Variants in COG5 observed in about 807,000 individuals in gnomAD.
COG5 encodes the protein conserved oligomeric Golgi complex subunit 5.
COG5 carries 86 observed loss-of-function variants against 110.4 expected under a neutral mutation model. The ratio of observed to expected loss-of-function variants is 0.78; its 90% CI spans 0.65 to 0.93. The LOEUF (loss-of-function observed/expected upper bound fraction) is 0.93. COG5 is among the 40% of genes least tolerant of loss of function. COG5 has a pLI of 0.00. For missense variants in COG5, 1,077 were observed against 987.0 expected (o/e 1.09, Z -1.22); for synonymous variants, 360 against 334.6 (o/e 1.08, Z -0.83).
chr7:107,368,395 A>T (rs1813818232), intron 8 of COG5, among the ~76,000 whole-genome samples: 1 of 152,108 alleles, frequency 6.6e-6, no homozygotes, highest in Non-Finnish European at 1.5e-5. Flanking sequence ...AAAAAGAAAA[A>T]CACAGGAAGT....
chr7:107,554,406 G>T, intron 2 of COG5, 64 bp from the exon 3 acceptor site: 1 of 1,360,708 alleles, frequency 7.3e-7, no homozygotes, highest in Non-Finnish European at 1.0e-6. Context: ...TAACCACAAT[G>T]TAGAATGGAC....
At chr7:107,279,985 T>C (rs1805037462) in intron 14 of COG5, among the ~76,000 whole-genome samples, 1 of 152,118 alleles carries the variant, frequency 6.6e-6, no homozygotes, top group African/African-American at 2.4e-5. Flanking sequence ...CTACTCTCAA[T>C]GCAAGGTATT....
At chr7:107,377,564 T>C (rs1204917931) in intron 7 of COG5, among the ~76,000 whole-genome samples, 1 of 152,210 alleles carries the variant, frequency 6.6e-6, no homozygotes, top group Non-Finnish European at 1.5e-5. Flanking sequence ...TACTAGCTTT[T>C]TGTTATTCTT....
chr7:107,496,425 A>G, intron 6 of COG5, among the ~76,000 whole-genome samples: 1 of 152,078 alleles, frequency 6.6e-6, no homozygotes, highest in Non-Finnish European at 1.5e-5. Flanking sequence ...TTGGGAGGCT[A>G]AGGCAGGTAG....
chr7:107,310,806 A>G (rs963865033), intron 11 of COG5, among the ~76,000 whole-genome samples: 1 of 152,234 alleles, frequency 6.6e-6, no homozygotes, highest in Non-Finnish European at 1.5e-5. Flanking sequence ...AGACAGCTGG[A>G]TAACAAAGGC....
chr7:107,289,332 G>A (rs1348007447), intron 12 of COG5, among the ~76,000 whole-genome samples: 1 of 152,004 alleles, frequency 6.6e-6, no homozygotes, highest in Non-Finnish European at 1.5e-5. Context: ...TAGATTTACA[G>A]GTTTCCTTCT....
At chr7:107,448,112 T>C (rs1301787039) in intron 6 of COG5, among the ~76,000 whole-genome samples, 1 of 152,100 alleles carries the variant, frequency 6.6e-6, no homozygotes, top group African/African-American at 2.4e-5. Context: ...GCCAAGATCA[T>C]GCCACTGTAC....
chr7:107,453,538 C>G (rs1795478816), intron 6 of COG5, among the ~76,000 whole-genome samples: 1 of 152,140 alleles, frequency 6.6e-6, no homozygotes, highest in South Asian at 2.1e-4. Flanking sequence ...CGAGGAAGAA[C>G]AGTCAAAATC....
At chr7:107,216,731 G>A (rs929812284) in intron 19 of COG5, among the ~76,000 whole-genome samples, 7 of 152,034 alleles carry the variant, frequency 4.6e-5, no homozygotes, top group African/African-American at 1.4e-4. Context: ...ATACCAAAAC[G>A]TATGGGATAC....
In COG5 at chr7:107,356,679, T is replaced by C. The variant is rs367728012; in HGVS notation, c.1026+5354A>G. The stretch of plus-strand genomic sequence containing the variant: ...ATTCCAGTGTAGAAAAGATACTTGC[T>C]AGTAATGATTGCCCTAGGGAAAAAA... On this transcript the variant is annotated intron_variant, in intron 10 of 21. Transcript: ENST00000297135. Among the ~76,000 whole-genome samples the C allele has an allele frequency of 5.9e-5, 9 of 152,318 alleles. No homozygotes were observed. In the East Asian group the frequency reaches 1.7e-3, roughly 29 times the overall value.
chr7:107,539,854 G>T (rs1801848660), intron 5 of COG5, among the ~76,000 whole-genome samples: 1 of 152,104 alleles, frequency 6.6e-6, no homozygotes, highest in South Asian at 2.1e-4. Context: ...CAACAGGAAT[G>T]AATAATTGGA....
intron 16 of COG5, among the ~76,000 whole-genome samples, chr7:107,250,970 G>A (rs1802457397): frequency 2.0e-5 from 3 of 151,876 alleles, no homozygotes; most frequent in African/African-American, 4.8e-5. Flanking sequence ...AAAACTACTC[G>A]GCAGGGAAAA....
chr7:107,425,736 C>T (rs912240819), intron 6 of COG5, among the ~76,000 whole-genome samples: 5 of 152,094 alleles, frequency 3.3e-5, no homozygotes, highest in African/African-American at 1.2e-4. Context: ...GGTGATAATA[C>T]AATAAGTCAT....
At chr7:107,420,837 G>A (rs1311813194) in intron 6 of COG5, among the ~76,000 whole-genome samples, 2 of 152,196 alleles carry the variant, frequency 1.3e-5, no homozygotes, top group African/African-American at 4.8e-5. Context: ...TCAGGCTTAA[G>A]TAAACTCCTT....
intron 6 of COG5, among the ~76,000 whole-genome samples, chr7:107,496,981 A>G (rs1195162603): frequency 1.3e-5 from 2 of 152,094 alleles, no homozygotes; most frequent in African/African-American, 4.8e-5. Flanking sequence ...AAGCAAACAT[A>G]GGAGAATCAC....
At position 107,211,153 on chromosome 7, in the gene COG5, G is replaced by A. The variant is rs753572639; in HGVS notation, c.2241C>T (p.Ile747=). The change falls in exon 20 of 22, where the codon ATC becomes ATT. Residue 747 remains isoleucine (I), a synonymous_variant. Transcript: ENST00000297135. ...PALGDVIPFS[I]IIQFLFTRAP... ...CTCTCGTGAACAAAAACTGAATAAT[G>A]ATGCTGAACGGAATCACATCCCCCA... is the stretch of plus-strand genomic sequence containing the variant. The A allele has an allele frequency of 3.1e-6, 5 of 1,613,884 alleles. No individual in the cohort carries two copies. The highest frequency in any genetic ancestry group is 2.2e-5 in the South Asian group (2 of 91,082).
chr7:107,495,768 T>C (rs768828196), intron 6 of COG5, among the ~76,000 whole-genome samples: 1 of 151,902 alleles, frequency 6.6e-6, no homozygotes, highest in Non-Finnish European at 1.5e-5. Flanking sequence ...AGAAAAATAG[T>C]ACAAGCACAG....
intron 5 of COG5, among the ~76,000 whole-genome samples, chr7:107,544,760 C>T (rs1045982217): frequency 2.0e-5 from 3 of 152,202 alleles, no homozygotes; most frequent in African/African-American, 7.2e-5. Flanking sequence ...ATCAGGGAAA[C>T]ATAACACCAC....
intron 14 of COG5, among the ~76,000 whole-genome samples, chr7:107,264,093 T>C (rs1276876826): frequency 6.6e-6 from 1 of 152,172 alleles, no homozygotes; most frequent in Non-Finnish European, 1.5e-5. Flanking sequence ...GTAAGTTACT[T>C]TCCAGATACT....
Sources: gnomAD v4.1 joint callset for allele counts (sites outside exome capture counted in the v4.1 genomes callset) on GRCh38, gnomAD v4.1.1 for gene constraint, MANE v1.5 for transcripts, NCBI Gene and HGNC (gene_info 2026-07-23, HGNC 2026-07-21) for gene names.